NELL2: variants seen among roughly 807,000 people sequenced by gnomAD.
The protein encoded by NELL2 is neural EGFL like 2.
A neutral mutation model predicts 109.6 loss-of-function variants in NELL2; 41 were observed. The ratio of observed to expected loss-of-function variants is 0.37; its 90% CI spans 0.29 to 0.49. The LOEUF (loss-of-function observed/expected upper bound fraction) is 0.49. Ranked by LOEUF, NELL2 falls within the 20% of genes least tolerant of loss-of-function variation. The pLI, the probability that NELL2 is intolerant of heterozygous loss-of-function variation, is 0.98. For synonymous variants in NELL2, 355 were observed against 344.7 expected, an observed-to-expected ratio of 1.03 and a Z score of -0.33; for missense variants, 900 against 1,008.3, an observed-to-expected ratio of 0.89 and a Z score of 1.45.
chr12:44,791,112 T>C (rs1490284634), intron 3 of NELL2, among the ~76,000 whole-genome samples: 1 of 11,772 alleles, frequency 8.5e-5, no homozygotes, highest in African/African-American at 3.3e-4. Context: ...TATATATGTA[T>C]ATATATATGT....
chr12:44,513,275 G>A (rs1158141038), intron 19 of NELL2, among the ~76,000 whole-genome samples: 3 of 151,980 alleles, frequency 2.0e-5, no homozygotes, highest in East Asian at 1.9e-4. Flanking sequence ...TAGGTTATTG[G>A]CTAATAATTT....
At chr12:44,521,843 G>A (rs952871112) in intron 18 of NELL2, 157 bp downstream of exon 18, 38 of 652,628 alleles carry the variant, frequency 5.8e-5, no homozygotes, top group Non-Finnish European at 8.5e-5. Context: ...GGTTGTGATC[G>A]TGTAACTATC....
chr12:44,758,995 C>T (rs1396847273), intron 9 of NELL2, among the ~76,000 whole-genome samples: 3 of 152,134 alleles, frequency 2.0e-5, no homozygotes, highest in Non-Finnish European at 4.4e-5. Context: ...CTGGTTTCAC[C>T]AAGTTCTTGA....
chr12:44,813,454 C>T (rs1308856747), intron 3 of NELL2, among the ~76,000 whole-genome samples: 1 of 151,806 alleles, frequency 6.6e-6, no homozygotes, highest in Non-Finnish European at 1.5e-5. Context: ...AGAGATACAA[C>T]CATAGACTGA....
intron 15 of NELL2, among the ~76,000 whole-genome samples, chr12:44,542,833 A>G (rs928894408): frequency 4.6e-5 from 7 of 152,160 alleles, no homozygotes; most frequent in African/African-American, 1.7e-4. Context: ...GGGGAAGTAA[A>G]GAATGCTTCA....
At chr12:44,641,149 A>C (rs752853177) in intron 13 of NELL2, among the ~76,000 whole-genome samples, 1 of 152,160 alleles carries the variant, frequency 6.6e-6, no homozygotes, top group Non-Finnish European at 1.5e-5. Flanking sequence ...TAATGCTATC[A>C]TTTTACATTA....
At chr12:44,752,554 G>A (rs1376791385) in intron 9 of NELL2, among the ~76,000 whole-genome samples, 1 of 152,146 alleles carries the variant, frequency 6.6e-6, no homozygotes, top group Non-Finnish European at 1.5e-5. Flanking sequence ...TACAGCTTTT[G>A]CTTCCAAATA....
intron 12 of NELL2, among the ~76,000 whole-genome samples, chr12:44,668,378 G>A (rs1318496686): frequency 1.3e-5 from 2 of 152,108 alleles, no homozygotes; most frequent in Non-Finnish European, 2.9e-5. Flanking sequence ...GGAGACCTCA[G>A]GACTGGCCAT....
chr12:44,678,037 T>C (rs1948375151), intron 12 of NELL2, among the ~76,000 whole-genome samples: 2 of 152,016 alleles, frequency 1.3e-5, no homozygotes, highest in South Asian at 4.1e-4. Flanking sequence ...AGCCATGGTG[T>C]TAGACAGTAT....
intron 1 of NELL2, among the ~76,000 whole-genome samples, chr12:44,883,410 C>T (rs1361899774): frequency 6.6e-6 from 1 of 151,958 alleles, no homozygotes; most frequent in Non-Finnish European, 1.5e-5. Context: ...TAGAAAGGGC[C>T]TTTGCTTTTA....
intron 1 of NELL2, among the ~76,000 whole-genome samples, chr12:44,904,541 T>G (rs552432621): frequency 1.2e-4 from 19 of 152,176 alleles, no homozygotes; most frequent in Admixed American, 1.2e-3. Flanking sequence ...AGCCACATGA[T>G]GGAAGGAGAT....
At chr12:44,778,363 T>C (rs1474896276) in intron 5 of NELL2, among the ~76,000 whole-genome samples, 1 of 152,172 alleles carries the variant, frequency 6.6e-6, no homozygotes, top group African/African-American at 2.4e-5. Flanking sequence ...TGGGCCTAGA[T>C]TGATGAAATA....
intron 13 of NELL2, among the ~76,000 whole-genome samples, chr12:44,659,835 T>C (rs1445824717): frequency 6.6e-6 from 1 of 152,148 alleles, no homozygotes; most frequent in Non-Finnish European, 1.5e-5. Flanking sequence ...TTAGACACTT[T>C]ATAAACCTCC....
chr12:44,892,306 C>A (rs563468898), intron 1 of NELL2, among the ~76,000 whole-genome samples: 3 of 152,142 alleles, frequency 2.0e-5, no homozygotes, highest in Non-Finnish European at 4.4e-5. Context: ...TACTGTCCAA[C>A]TGGGCAGGTC....
intron 2 of NELL2, among the ~76,000 whole-genome samples, chr12:44,837,053 A>G (rs1290126476): frequency 6.6e-6 from 1 of 152,196 alleles, no homozygotes; most frequent in Admixed American, 6.5e-5. Flanking sequence ...GATGCTTAAT[A>G]TCTAGGAGAG....
At chr12:44,651,312 A>G (rs1947292872) in intron 13 of NELL2, among the ~76,000 whole-genome samples, 1 of 152,224 alleles carries the variant, frequency 6.6e-6, no homozygotes, top group Non-Finnish European at 1.5e-5. Context: ...ATCCAAAGCT[A>G]TTGAAAGCCA....
chr12:44,815,788 T>G, intron 3 of NELL2, 198 bp downstream of exon 3: 1 of 478,832 alleles, frequency 2.1e-6, no homozygotes, highest in Non-Finnish European at 3.5e-6. Context: ...CCAGCTAATT[T>G]TTGTATTTTT....
At chr12:44,728,857 A>G (rs1284476464) in intron 9 of NELL2, among the ~76,000 whole-genome samples, 1 of 152,154 alleles carries the variant, frequency 6.6e-6, no homozygotes, top group East Asian at 1.9e-4. Flanking sequence ...AAATCCACCA[A>G]CCAAGAATAC....
chr12:44,903,722 G>T (rs1438813594), intron 1 of NELL2, among the ~76,000 whole-genome samples: 4 of 152,104 alleles, frequency 2.6e-5, no homozygotes, highest in African/African-American at 9.7e-5. Flanking sequence ...AAAAGAACGA[G>T]TTCATGTCCT....
Sources: allele counts gnomAD v4.1 joint callset (sites outside exome capture counted in the v4.1 genomes callset), GRCh38; gene constraint gnomAD v4.1.1; transcripts MANE v1.5; gene names NCBI Gene and HGNC (gene_info 2026-07-23, HGNC 2026-07-21).